SERBP1: variants seen among roughly 807,000 people sequenced by gnomAD.
The protein encoded by SERBP1 is SERPINE1 mRNA binding protein 1.
A neutral mutation model predicts 50.2 loss-of-function variants in SERBP1; 6 were observed. That is an observed-to-expected ratio of 0.12 (90% CI 0.07 to 0.24). SERBP1 has a LOEUF of 0.24. Ranked by LOEUF, SERBP1 falls within the 10% of genes least tolerant of loss-of-function variation. SERBP1 has a pLI of 1.00. For missense variants in SERBP1, 346 were observed against 524.9 expected (o/e 0.66, Z 3.33); for synonymous variants, 168 against 182.8 (o/e 0.92, Z 0.65).
intron 1 of SERBP1, 133 bp from the exon 2 acceptor site, chr1:67,426,418 T>C: frequency 1.3e-6 from 1 of 773,726 alleles, no homozygotes. Flanking sequence ...ACTGGGCAAC[T>C]CTAATGTGTA....
chr1:67,414,193 A>G (rs775241924), intron 7 of SERBP1, among the ~76,000 whole-genome samples: 1 of 152,260 alleles, frequency 6.6e-6, no homozygotes, highest in Non-Finnish European at 1.5e-5. Flanking sequence ...CACTTGCTAA[A>G]TAAGAATGGC....
chr1:67,423,554 C>T (rs1373682880), intron 5 of SERBP1, among the ~76,000 whole-genome samples: 2 of 151,184 alleles, frequency 1.3e-5, no homozygotes, highest in Admixed American at 6.6e-5. Context: ...GTGCAGTGAG[C>T]CAAGATCACT....
At chr1:67,414,593 T>C (rs527308799) in intron 7 of SERBP1, among the ~76,000 whole-genome samples, 1 of 152,340 alleles carries the variant, frequency 6.6e-6, no homozygotes, top group South Asian at 2.1e-4. Context: ...CTCTAAGAAC[T>C]TGTTTTGTGC....
In SERBP1 at chr1:67,409,911, G is replaced by C. The variant is rs544942287; in HGVS notation, c.*3296C>G. 6.6e-6 allele frequency: 1 copy of C among 152,062 alleles called. No individual in the cohort carries two copies. The highest frequency in any genetic ancestry group is 6.6e-5 in the Admixed American group (1 of 15,258). 9.4% of individuals were successfully genotyped at this position (152,062 alleles called of 1,614,324 possible). A position where few individuals can be genotyped will look rare whatever the true frequency, so the allele number is the denominator to read the frequency against. ...AGCACAGTAAATAATGAAGTTTCTG[G>C]GCTTTTCTTAGTTAACCTGAAGATC... On this transcript the variant is annotated 3_prime_UTR_variant, in exon 8 of 8. Coordinates refer to ENST00000361219, the MANE Select transcript of SERBP1 (RefSeq NM_001018069.2).
At chr1:67,425,034 A>G (rs1667323873) in intron 3 of SERBP1, 49 bp downstream of exon 3, 2 of 1,592,144 alleles carry the variant, frequency 1.3e-6, no homozygotes, top group Non-Finnish European at 1.7e-6. Flanking sequence ...AAGTTTGTTT[A>G]TTAAATAGAT....
rs1018276426 is a variant in SERBP1 at position 67,408,597 on chromosome 1, C to G, written c.*4610G>C. ...AAAAAAAAAAAAAAAGATGCAATCT[C>G]CAGGAGCCATTAATTTCTGCCCCAG... On this transcript the variant is annotated 3_prime_UTR_variant, in exon 8 of 8. Coordinates refer to ENST00000361219, the MANE Select transcript of SERBP1 (RefSeq NM_001018069.2). 2.0e-5 allele frequency: 3 copies of G among 150,206 alleles called. No homozygotes were observed. Among genetic ancestry groups the G allele is most frequent in the Non-Finnish European group, 4.4e-5 (3 of 67,684 alleles). The allele number at this position is 150,206 out of a possible 1,614,324, so 9.3% of individuals were successfully genotyped here. A position where few individuals can be genotyped will look rare whatever the true frequency, so the allele number is the denominator to read the frequency against.
At chr1:67,415,931 C>T (rs1319499807) in intron 6 of SERBP1, among the ~76,000 whole-genome samples, 1 of 151,662 alleles carries the variant, frequency 6.6e-6, no homozygotes, top group Non-Finnish European at 1.5e-5. Flanking sequence ...TCAAGTGAAA[C>T]ACTACACACT....
chr1:67,415,338 G>A lies in SERBP1; in HGVS notation c.953C>T (p.Ala318Val). The A allele has an allele frequency of 1.3e-6, 2 of 1,568,532 alleles. No homozygotes were observed. Among genetic ancestry groups the A allele is most frequent in the Non-Finnish European group, 1.7e-6 (2 of 1,157,566 alleles). Reference protein sequence around the residue: ...FVLHKSKSEEAHAEDSVMDHH... With the variant: ...FVLHKSKSEEVHAEDSVMDHH... ...GTCCATAACCGAATCTTCAGCATGA[G>A]CCTAAAAATATAAGTGAAGATGATT... is the stretch of plus-strand genomic sequence containing the variant. Residue 318 changes from alanine (A) to valine (V), a missense_variant and splice_region_variant, in exon 7 of 8, where the codon GCT becomes GTT. Coordinates refer to ENST00000361219, the MANE Select transcript of SERBP1 (RefSeq NM_001018069.2).
At chr1:67,420,235 A>T in intron 5 of SERBP1, 49 bp from the exon 6 acceptor site, 1 of 1,327,918 alleles carries the variant, frequency 7.5e-7, no homozygotes, top group Non-Finnish European at 1.0e-6. Context: ...CTGATATTAC[A>T]TAAAAGTATT....
intron 6 of SERBP1, among the ~76,000 whole-genome samples, chr1:67,419,177 TAAAG>T (rs1273909080): frequency 6.6e-6 from 1 of 152,342 alleles, no homozygotes; most frequent in African/African-American, 2.4e-5. Flanking sequence ...CTATCCAAAA[TAAAG>T]ACCTTTGTGA....
chr1:67,426,100 C>A, intron 2 of SERBP1, 35 bp downstream of exon 2: 2 of 1,582,154 alleles, frequency 1.3e-6, no homozygotes, highest in South Asian at 1.2e-5. Context: ...ACATGTTAGA[C>A]CAAGACCCTG....
rs1337655643 is a variant in SERBP1, at chr1:67,408,049, C to CT, written c.*5157_*5158insA. The CT allele has an allele frequency of 5.9e-5, 9 of 152,206 alleles. No homozygotes were observed. In the East Asian group the frequency reaches 1.7e-3, roughly 29 times the overall value. The allele number at this position is 152,206 out of a possible 1,614,324, so 9.4% of individuals were successfully genotyped here. A position where few individuals can be genotyped will look rare whatever the true frequency, so the allele number is the denominator to read the frequency against. ...ACAAGGTGATTAGTGCAAAGTAATACAACTGTCCAAAGATAAGCTACTTCC... is the reference window on the plus strand; with the variant it reads ...ACAAGGTGATTAGTGCAAAGTAATACTAACTGTCCAAAGATAAGCTACTTCC... On this transcript the variant is annotated 3_prime_UTR_variant, in exon 8 of 8. Coordinates refer to ENST00000361219, the MANE Select transcript of SERBP1 (RefSeq NM_001018069.2).
chr1:67,415,374 T>C, intron 6 of SERBP1, 35 bp from the exon 7 acceptor site: 2 of 1,497,532 alleles, frequency 1.3e-6, no homozygotes, highest in Non-Finnish European at 1.8e-6. Context: ...GTGTTATTAG[T>C]AGAAAAGTAA....
chr1:67,421,620 T>C (rs1227244489), intron 5 of SERBP1, among the ~76,000 whole-genome samples: 4 of 152,218 alleles, frequency 2.6e-5, no homozygotes, highest in Non-Finnish European at 5.9e-5. Context: ...TAAACAGTTA[T>C]AATCTTTGCA....
At position 67,430,307 on chromosome 1, in the gene SERBP1, G is replaced by A. The variant is rs967257339; in HGVS notation, c.-7C>T. On this transcript the variant is annotated 5_prime_UTR_variant, in exon 1 of 8. Transcript: ENST00000361219. ...CCTGTAAGTGCCCAGGCATGATGGT[G>A]GCTCGGCGGCGCGTTCCTCCACGGA... The A allele has an allele frequency of 2.0e-6, 3 of 1,488,500 alleles. No individual in the cohort carries two copies. Among genetic ancestry groups the A allele is most frequent in the Non-Finnish European group, 2.7e-6 (3 of 1,120,314 alleles). The allele number at this position is 1,488,500 out of a possible 1,614,324, so 92.2% of individuals were successfully genotyped here.
intron 6 of SERBP1, among the ~76,000 whole-genome samples, chr1:67,416,078 T>G (rs1182396543): frequency 6.7e-6 from 1 of 148,766 alleles, no homozygotes; most frequent in Non-Finnish European, 1.5e-5. Context: ...AGTGGCACGA[T>G]CTGGGTTCAT....
intron 6 of SERBP1, among the ~76,000 whole-genome samples, chr1:67,418,328 T>C (rs775931664): frequency 6.6e-6 from 1 of 152,062 alleles, no homozygotes. Context: ...AAAAAGACAA[T>C]GTCCTCATTT....
chr1:67,410,310 C>A lies in SERBP1; in HGVS notation c.*2897G>T, dbSNP rs1216573767. On this transcript the variant is annotated 3_prime_UTR_variant, in exon 8 of 8. Transcript: ENST00000361219. ...CACATTTAGGCTTTGTATGCAACTC[C>A]CTGTTCTATTTCAGTGCAACCATCT... is the stretch of plus-strand genomic sequence containing the variant. 1 of 152,122 alleles carries A rather than the reference C, an allele frequency of 6.6e-6. No homozygotes were observed. Among genetic ancestry groups the A allele is most frequent in the African/African-American group, 2.4e-5 (1 of 41,422 alleles). 9.4% of individuals were successfully genotyped at this position (152,122 alleles called of 1,614,324 possible).
chr1:67,416,011 CT>C (rs376512995), intron 6 of SERBP1, among the ~76,000 whole-genome samples: 10,739 of 125,240 alleles, frequency 0.086, 525 homozygotes, highest in African/African-American at 0.21. Context: ...TCACAGGAAC[CT>C]TTTTTTTTTT....
Sources: gnomAD v4.1 joint callset for allele counts (sites outside exome capture counted in the v4.1 genomes callset) on GRCh38, gnomAD v4.1.1 for gene constraint, MANE v1.5 for transcripts, NCBI Gene and HGNC (gene_info 2026-07-23, HGNC 2026-07-21) for gene names.